The following ZNFX1 variants were observed in gnomAD, a reference collection of about 807,000 sequenced individuals.
ZNFX1 encodes the protein zinc finger NFX1-type containing 1, also known as NFX1-type zinc finger-containing protein 1.
ZNFX1 carries 78 observed loss-of-function variants against 179.8 expected under a neutral mutation model. The ratio of observed to expected loss-of-function variants is 0.43; its 90% CI spans 0.36 to 0.52. ZNFX1 has a LOEUF of 0.52. Ranked by LOEUF, ZNFX1 falls within the 20% of genes least tolerant of loss-of-function variation. ZNFX1 has a pLI of 0.00. For missense variants in ZNFX1, 1,927 were observed against 2,386.6 expected, an observed-to-expected ratio of 0.81 and a Z score of 4.01; for synonymous variants, 848 against 868.5, an observed-to-expected ratio of 0.98 and a Z score of 0.42.
Position 49,249,560 on chromosome 20 carries a change from G to C in ZNFX1, c.3464C>G (p.Thr1155Ser). Residue 1155 changes from threonine to serine, a missense_variant, in exon 14 of 14, where the codon ACC becomes AGC. Coordinates refer to ENST00000396105, the MANE Select transcript of ZNFX1 (RefSeq NM_021035.3). ...LCQEYLPSQI[T>S]ILTTYTGQLF... ...CTGCCCGGTATAGGTAGTGAGGATG[G>C]TGATCTGGGAAGGCAGGTATTCCTG... The C allele has an allele frequency of 3.7e-6, 6 of 1,614,254 alleles. No homozygotes were observed. The highest frequency in any genetic ancestry group is 5.1e-6 in the Non-Finnish European group (6 of 1,180,048).
rs773771511 is a variant in ZNFX1 at position 49,247,879 on chromosome 20, C to T, written c.5145G>A (p.Leu1715=). The change falls in exon 14 of 14, where the codon CTG becomes CTA. Residue 1715 remains leucine, a synonymous_variant. Coordinates refer to ENST00000396105, the MANE Select transcript of ZNFX1 (RefSeq NM_021035.3). ...CATGCATCTTTTTCAGGGAATCCCA[C>T]AGGCTGGCCAGGTGGTCATAGAAGC... is the stretch of plus-strand genomic sequence containing the variant. ...YISFYDHLAS[L]WDSLKKMHVL... 1.2e-6 allele frequency: 2 copies of T among 1,614,196 alleles called. No individual in the cohort carries two copies. Among genetic ancestry groups the T allele is most frequent in the Non-Finnish European group, 1.7e-6 (2 of 1,180,036 alleles).
intron 13 of ZNFX1, among the ~76,000 whole-genome samples, chr20:49,251,113 A>G (rs997242270): frequency 2.0e-5 from 3 of 152,150 alleles, no homozygotes; most frequent in African/African-American, 7.2e-5. Context: ...CAGCTTTTAA[A>G]AAGCTGGCTC....
chr20:49,257,700 CTCT>C (rs774796738), intron 7 of ZNFX1, 36 bp from the exon 8 acceptor site: 15 of 1,496,452 alleles, frequency 1.0e-5, no homozygotes, highest in Admixed American at 2.4e-5. Context: ...GAGATGAAAA[CTCT>C]TTTTTTTTTT....
intron 13 of ZNFX1, 95 bp from the exon 14 acceptor site, chr20:49,249,806 CAG>C (rs1176470622): frequency 2.0e-5 from 27 of 1,363,630 alleles, no homozygotes; most frequent in Admixed American, 4.9e-5. Flanking sequence ...TACTCTGCTC[CAG>C]AGAGAGACCT....
chr20:49,253,940 G>A (rs1335438102), intron 10 of ZNFX1, 129 bp from the exon 11 acceptor site: 2 of 1,081,888 alleles, frequency 1.8e-6, no homozygotes, highest in Admixed American at 4.6e-5. Flanking sequence ...TCCTTATAGT[G>A]TTCTGGGTGG....
rs1980751988 is a variant in ZNFX1 at position 49,248,815 on chromosome 20, G to A, written c.4209C>T (p.Thr1403=). The change falls in exon 14 of 14, where the codon ACC becomes ACT. Residue 1403 remains threonine (T), a synonymous_variant. Coordinates refer to ENST00000396105, the MANE Select transcript of ZNFX1 (RefSeq NM_021035.3). This position sits in a 1 kb window ranked among gnomAD's most constrained non-coding sequence, Gnocchi z 4.6. ...GACTGTGCCCACACTTGAGTTTTAT[G>A]GTGACCATTTCTGAACACAGCTGCA... ...DCVQLCSEMV[T]IKLKCGHSQP... The A allele has an allele frequency of 6.2e-7, 1 of 1,613,388 alleles. No homozygotes were observed. The highest frequency in any genetic ancestry group is 8.5e-7 in the Non-Finnish European group (1 of 1,179,328).
chr20:49,274,652 G>C, intron 2 of ZNFX1, among the ~76,000 whole-genome samples: 1 of 152,148 alleles, frequency 6.6e-6, no homozygotes, highest in Non-Finnish European at 1.5e-5. Context: ...CCAGCTACTT[G>C]GGAGGCTGAG....
intron 2 of ZNFX1, among the ~76,000 whole-genome samples, chr20:49,273,147 T>C (rs1981464158): frequency 6.6e-6 from 1 of 152,126 alleles, no homozygotes; most frequent in Non-Finnish European, 1.5e-5. Context: ...ATTTTTTATT[T>C]TTTGAGAGGG....
In ZNFX1 at chr20:49,248,584, A is replaced by G. The variant is rs1268021180; in HGVS notation, c.4440T>C (p.Ile1480=). ...ICSHKCQEPC[I]GECPPCQRTC... ...TCCGCTGGCAGGGTGGGCACTCACC[A>G]ATGCATGGTTCCTGGCACTTGTGTG... The change falls in exon 14 of 14, where the codon ATT becomes ATC. Residue 1480 remains isoleucine, a synonymous_variant. Transcript: ENST00000396105. The surrounding 1 kb of genome is among the most constrained non-coding windows in gnomAD (Gnocchi z 4.6). 6.2e-7 allele frequency: 1 copy of G among 1,614,080 alleles called. No homozygotes were observed. Among genetic ancestry groups the G allele is most frequent in the Non-Finnish European group, 8.5e-7 (1 of 1,180,046 alleles).
intron 11 of ZNFX1, 90 bp downstream of exon 11, chr20:49,253,576 G>A: frequency 6.6e-7 from 1 of 1,503,998 alleles, no homozygotes; most frequent in South Asian, 1.2e-5. Context: ...TAATAAGCTT[G>A]AGGACTGTTG....
At position 49,247,680 on chromosome 20, in the gene ZNFX1, C is replaced by T. The variant is rs1416887594; in HGVS notation, c.5344G>A (p.Asp1782Asn). The change falls in exon 14 of 14, where the codon GAT becomes AAT. Residue 1782 changes from aspartate to asparagine, a missense_variant. Transcript: ENST00000396105. ...CTATAGACCTCTACTGCTATGCTAT[C>T]TTTCACCTTCTTCTCTGCTATCTTG... ...RYKIAEKKVKDSIAVEVYSVQ... is the reference protein window; with the variant it reads ...RYKIAEKKVKNSIAVEVYSVQ... 2 of 1,614,222 alleles carry T rather than the reference C, an allele frequency of 1.2e-6. No homozygotes were observed. The highest frequency in any genetic ancestry group is 8.5e-7 in the Non-Finnish European group (1 of 1,180,042).
In ZNFX1 at chr20:49,255,909, C is replaced by T; in HGVS notation, c.2703G>A (p.Val901=). Reference sequence around the variant, plus strand: ...TGTTCAGTTTGCGAAGCTCATCCTTCACTCTTTTTTTCATTTTCTTTTTCT... The same window carrying T: ...TGTTCAGTTTGCGAAGCTCATCCTTTACTCTTTTTTTCATTTTCTTTTTCT... ...RNQKKKMKKR[V]KDELRKLNTM... Residue 901 remains valine (V), a synonymous_variant, in exon 9 of 14, where the codon GTG becomes GTA. Coordinates refer to ENST00000396105, the MANE Select transcript of ZNFX1 (RefSeq NM_021035.3). 1 of 1,614,154 alleles carries T rather than the reference C, an allele frequency of 6.2e-7. No individual in the cohort carries two copies. Among genetic ancestry groups the T allele is most frequent in the South Asian group, 1.1e-5 (1 of 91,086 alleles).
chr20:49,259,148 TACAC>T (rs1981055031), intron 7 of ZNFX1, among the ~76,000 whole-genome samples: 1 of 147,780 alleles, frequency 6.8e-6, no homozygotes, highest in Non-Finnish European at 1.5e-5. Flanking sequence ...ATAAAATAAA[TACAC>T]AATAAATAAA....
chr20:49,275,135 T>A (rs555535130), intron 2 of ZNFX1, among the ~76,000 whole-genome samples: 79 of 148,808 alleles, frequency 5.3e-4, no homozygotes, highest in East Asian at 2.8e-3. Flanking sequence ...AAAAAAAAAA[T>A]AAAATAAAAA....
In ZNFX1 at chr20:49,271,395, C is replaced by T; in HGVS notation, c.417G>A (p.Gln139=). ...TPHQKPTEQP[Q]QAKKLGYKFL... ...ACTTGTAGCCCAGTTTCTTCGCCTG[C>T]TGTGGCTGTTCTGTAGGCTTCTGGT... Residue 139 remains glutamine (Q), a synonymous_variant, in exon 3 of 14, where the codon CAG becomes CAA. Coordinates refer to ENST00000396105, the MANE Select transcript of ZNFX1 (RefSeq NM_021035.3). The T allele has an allele frequency of 6.2e-7, 1 of 1,614,158 alleles. No individual in the cohort carries two copies. Among genetic ancestry groups the T allele is most frequent in the Non-Finnish European group, 8.5e-7 (1 of 1,180,032 alleles).
Position 49,254,541 on chromosome 20 carries a change from G to A in ZNFX1, c.2913C>T (p.Asp971=), listed in dbSNP as rs769937364. ...CCTGGGCATCTTTAAGAATGTGCAG[G>A]TCTTCCTGGAGTCTCAGCTCGGCCA... ...ERMAELRLQE[D]LHILKDAQVV... Residue 971 remains aspartate, a synonymous_variant, in exon 10 of 14, where the codon GAC becomes GAT. Transcript: ENST00000396105. 2 of 1,614,148 alleles carry A rather than the reference G, an allele frequency of 1.2e-6. No homozygotes were observed. Among genetic ancestry groups the A allele is most frequent in the Non-Finnish European group, 1.7e-6 (2 of 1,180,034 alleles).
intron 1 of ZNFX1, among the ~76,000 whole-genome samples, chr20:49,277,078 G>C (rs1981585231): frequency 6.6e-6 from 1 of 152,092 alleles, no homozygotes; most frequent in African/African-American, 2.4e-5. Flanking sequence ...TGCTGGGATC[G>C]AAAACAGACT....
Position 49,264,874 on chromosome 20 carries a change from A to G in ZNFX1, c.2003-10T>C. ...TGACAATTGTAGATGCCTGTGGAAC[A>G]AAGTGGAGCATGGCAGGGTTGAGAG... On this transcript the variant is annotated splice_polypyrimidine_tract_variant and intron_variant, in intron 4 of 13. Coordinates refer to ENST00000396105, the MANE Select transcript of ZNFX1 (RefSeq NM_021035.3). The G allele has an allele frequency of 6.2e-7, 1 of 1,614,180 alleles. No individual in the cohort carries two copies. The highest frequency in any genetic ancestry group is 8.5e-7 in the Non-Finnish European group (1 of 1,180,022).
At chr20:49,272,898 T>G (rs1398291554) in intron 2 of ZNFX1, among the ~76,000 whole-genome samples, 2 of 152,168 alleles carry the variant, frequency 1.3e-5, no homozygotes, top group East Asian at 1.9e-4. Flanking sequence ...CAAAGTCCAG[T>G]TTTTTTCACT....
Sources: allele counts gnomAD v4.1 joint callset (sites outside exome capture counted in the v4.1 genomes callset), GRCh38; gene constraint gnomAD v4.1.1; non-coding constraint Gnocchi (gnomAD v3.1); transcripts MANE v1.5; gene names NCBI Gene and HGNC (gene_info 2026-07-23, HGNC 2026-07-21).